PARP14: variants seen among roughly 807,000 people sequenced by gnomAD.
PARP14 encodes the protein protein mono-ADP-ribosyltransferase PARP14.
PARP14 carries 59 observed loss-of-function variants against 154.2 expected under a neutral mutation model. That is an observed-to-expected ratio of 0.38 (90% CI 0.31 to 0.48). The LOEUF (loss-of-function observed/expected upper bound fraction) is 0.48, where lower values mean the gene tolerates loss of function less well. Ranked by LOEUF, PARP14 falls within the 20% of genes least tolerant of loss-of-function variation. The pLI is 0.98. For missense variants in PARP14, 1,734 were observed against 2,131.6 expected, an observed-to-expected ratio of 0.81 and a Z score of 3.67; for synonymous variants, 720 against 780.5, an observed-to-expected ratio of 0.92 and a Z score of 1.29.
chr3:122,712,395 A>C (rs907011430), intron 9 of PARP14, among the ~76,000 whole-genome samples: 1 of 152,098 alleles, frequency 6.6e-6, no homozygotes, highest in African/African-American at 2.4e-5. Flanking sequence ...GGCCTGTGCC[A>C]CCACGCCCAG....
chr3:122,718,171 AGTT>A lies in PARP14; in HGVS notation c.4105_4107del (p.Val1369del). ...CAGCCCAGTCTGTGAAAAAAGTTAA[AGTT>A]GTTATCTTTCTGCCTCAAGTACTGG... On this transcript the variant is annotated inframe_deletion, in exon 13 of 17. Coordinates refer to ENST00000474629, the MANE Select transcript of PARP14 (RefSeq NM_017554.3). 6.2e-7 allele frequency: 1 copy of A among 1,613,684 alleles called. No homozygotes were observed. The highest frequency in any genetic ancestry group is 1.3e-5 in the African/African-American group (1 of 75,032).
chr3:122,686,483 C>T (rs1938376772), intron 2 of PARP14, among the ~76,000 whole-genome samples: 1 of 148,036 alleles, frequency 6.8e-6, no homozygotes, highest in Non-Finnish European at 1.5e-5. Flanking sequence ...TTTTTAGAGA[C>T]TGCTTTCATC....
intron 12 of PARP14, among the ~76,000 whole-genome samples, chr3:122,715,727 C>G (rs1932982229): frequency 6.6e-6 from 1 of 152,070 alleles, no homozygotes; most frequent in African/African-American, 2.4e-5. Context: ...ACTCCTCAGT[C>G]TCTGTCTCCA....
At chr3:122,683,603 A>G (rs1938281997) in intron 1 of PARP14, among the ~76,000 whole-genome samples, 1 of 152,212 alleles carries the variant, frequency 6.6e-6, no homozygotes, top group South Asian at 2.1e-4. Flanking sequence ...AAATAAAATT[A>G]AATGTTGATG....
chr3:122,724,908 C>T (rs1002299891), intron 15 of PARP14, among the ~76,000 whole-genome samples: 127 of 152,170 alleles, frequency 8.3e-4, no homozygotes, highest in Middle Eastern at 3.4e-3. Flanking sequence ...TTGCACCGCC[C>T]TTAATCCATT....
chr3:122,704,946 A>G lies in PARP14; in HGVS notation c.3540+198A>G, dbSNP rs1188303804. Among the ~76,000 whole-genome samples, 3 of 152,232 alleles carry G rather than the reference A, an allele frequency of 2.0e-5. No homozygotes were observed. In the South Asian group the frequency reaches 6.2e-4, roughly 31 times the overall value. ...AGATGTAGAAAAAATTTAACTTCCT[A>G]TTCAGGAAAATTTTGAACATATCCA... On this transcript the variant is annotated intron_variant, in intron 8 of 16. Transcript: ENST00000474629.
chr3:122,722,935 ATT>A (rs67962718), intron 15 of PARP14, among the ~76,000 whole-genome samples: 81 of 145,452 alleles, frequency 5.6e-4, no homozygotes, highest in Admixed American at 1.8e-3. Flanking sequence ...TGCATTTCAT[ATT>A]TTTTTTTTTT....
chr3:122,728,855 C>T lies in PARP14; in HGVS notation c.*258C>T. On this transcript the variant is annotated 3_prime_UTR_variant, in exon 17 of 17. Coordinates refer to ENST00000474629, the MANE Select transcript of PARP14 (RefSeq NM_017554.3). ...GTGTCCACAAGTATGGACATCAAAT[C>T]TGTGGGAAAAGAACAGGTTTGTATT... 2.4e-6 allele frequency: 1 copy of T among 408,290 alleles called. No individual in the cohort carries two copies. Among genetic ancestry groups the T allele is most frequent in the Non-Finnish European group, 4.5e-6 (1 of 222,170 alleles). The allele number at this position is 408,290 out of a possible 1,614,324, so 25.3% of individuals were successfully genotyped here. A position where few individuals can be genotyped will look rare whatever the true frequency, so the allele number is the denominator to read the frequency against.
chr3:122,686,631 T>C (rs1938382110), intron 2 of PARP14: 1 of 156,358 alleles, frequency 6.4e-6, no homozygotes, highest in African/African-American at 2.4e-5. Flanking sequence ...GCTAATTTTT[T>C]TTCCTAATTT....
At position 122,703,827 on chromosome 3, in the gene PARP14, C is replaced by A. The variant is rs760154140; in HGVS notation, c.3167C>A (p.Pro1056Gln). ...LSKSLLEKAG[P>Q]ELQEELDTVG... ...AAGTCCCTCTTGGAAAAAGCTGGACCAGAGCTCCAGGAGGAATTGGACACA... is the reference window on the plus strand; with the variant it reads ...AAGTCCCTCTTGGAAAAAGCTGGACAAGAGCTCCAGGAGGAATTGGACACA... The change falls in exon 7 of 17, where the codon CCA becomes CAA. Residue 1056 changes from proline (P) to glutamine (Q), a missense_variant. Around this residue, in one of 2 missense-constraint regions of PARP14, gnomAD observed 1,646 missense variants for 1,976.0 expected, o/e 0.83. Coordinates refer to ENST00000474629, the MANE Select transcript of PARP14 (RefSeq NM_017554.3). 6.2e-7 allele frequency: 1 copy of A among 1,613,870 alleles called. No individual in the cohort carries two copies. The highest frequency in any genetic ancestry group is 8.5e-7 in the Non-Finnish European group (1 of 1,179,830).
Position 122,700,334 on chromosome 3 carries a change from A to G in PARP14, c.1780A>G (p.Ser594Gly). Residue 594 changes from serine (S) to glycine (G), a missense_variant, in exon 6 of 17, where the codon AGT becomes GGT. Coordinates refer to ENST00000474629, the MANE Select transcript of PARP14 (RefSeq NM_017554.3). ...ALLEAEKQML[S>G]ALNYKRIEVE... Reference sequence around the variant, plus strand: ...GTTAGAAGCAGAAAAGCAAATGCTCAGTGCCTTAAATTATAAGCGCATTGA... The same window carrying G: ...GTTAGAAGCAGAAAAGCAAATGCTCGGTGCCTTAAATTATAAGCGCATTGA... The G allele has an allele frequency of 6.2e-7, 1 of 1,613,840 alleles. No individual in the cohort carries two copies. The highest frequency in any genetic ancestry group is 8.5e-7 in the Non-Finnish European group (1 of 1,179,798).
chr3:122,685,344 A>C (rs749898848), intron 2 of PARP14, 26 bp downstream of exon 2: 1 of 1,609,790 alleles, frequency 6.2e-7, no homozygotes, highest in Non-Finnish European at 8.5e-7. Flanking sequence ...GCATGAATAA[A>C]AGGGATTTAG....
chr3:122,691,794 G>T (rs932158114), intron 3 of PARP14, among the ~76,000 whole-genome samples: 1 of 152,056 alleles, frequency 6.6e-6, no homozygotes, highest in African/African-American at 2.4e-5. Flanking sequence ...TATAAGGCAG[G>T]TTCCTCAAAA....
chr3:122,728,572 A>T lies in PARP14; in HGVS notation c.5381A>T (p.Glu1794Val), dbSNP rs1294282213. ...TTTTATGACTACCAAGCATACCCAG[A>T]GTACCTTATTACGTTTAGAAAATAA... ...VAFYDYQAYP[E>V]YLITFRK is the part of the protein sequence containing the mutation. Residue 1794 changes from glutamate (E) to valine (V), a missense_variant, in exon 17 of 17, where the codon GAG (glutamate) becomes GTG (valine). Physicochemically the swap from Glu to Val is moderately radical, Grantham distance 121. Around this residue, in one of 2 missense-constraint regions of PARP14, gnomAD observed 88 missense variants for 155.6 expected, o/e 0.57. Coordinates refer to ENST00000474629, the MANE Select transcript of PARP14 (RefSeq NM_017554.3). The T allele has an allele frequency of 1.2e-6, 2 of 1,613,144 alleles. No homozygotes were observed. The highest frequency in any genetic ancestry group is 3.3e-5 in the Admixed American group (2 of 59,998).
intron 4 of PARP14, among the ~76,000 whole-genome samples, chr3:122,693,100 G>A (rs540683673): frequency 4.6e-5 from 7 of 152,162 alleles, no homozygotes; most frequent in Non-Finnish European, 7.3e-5. Flanking sequence ...ACAAAGGTGC[G>A]AATGCATGGA....
At chr3:122,719,147 C>G (rs1933086478) in intron 14 of PARP14, among the ~76,000 whole-genome samples, 189 bp downstream of exon 14, 1 of 152,158 alleles carries the variant, frequency 6.6e-6, no homozygotes, top group Admixed American at 6.5e-5. Context: ...TGGATGTACC[C>G]AAAAGCCTGA....
At position 122,728,192 on chromosome 3, in the gene PARP14, GCA is replaced by G. The variant is rs1244452597; in HGVS notation, c.5117-109_5117-108del. Reference sequence around the variant, plus strand: ...AAAAATTGATGATTAAAAGTGAAAAGCACACACAAAAAATTTTAAGAGAGGCT... The same window carrying G: ...AAAAATTGATGATTAAAAGTGAAAAGCACACAAAAAATTTTAAGAGAGGCT... On this transcript the variant is annotated intron_variant, in intron 16 of 16. Transcript: ENST00000474629. The G allele has an allele frequency of 4.8e-6, 5 of 1,033,244 alleles. No homozygotes were observed. In the East Asian group the frequency reaches 1.2e-4, roughly 25 times the overall value. The allele number at this position is 1,033,244 out of a possible 1,614,324, so 64.0% of individuals were successfully genotyped here.
chr3:122,694,800 A>G (rs2107640633), intron 4 of PARP14, among the ~76,000 whole-genome samples: 1 of 152,180 alleles, frequency 6.6e-6, no homozygotes, highest in South Asian at 2.1e-4. Flanking sequence ...GATTACAGGC[A>G]TGAACCACCA....
chr3:122,715,593 G>GTAA (rs1347879323), intron 12 of PARP14, among the ~76,000 whole-genome samples: 31 of 141,492 alleles, frequency 2.2e-4, no homozygotes, highest in African/African-American at 7.8e-4. Context: ...CTCTCTACCA[G>GTAA]TCATCTATCT....
Sources: allele counts gnomAD v4.1 joint callset (sites outside exome capture counted in the v4.1 genomes callset), GRCh38; gene constraint gnomAD v4.1.1; regional missense constraint gnomAD v4.1.1; transcripts MANE v1.5; gene names NCBI Gene and HGNC (gene_info 2026-07-23, HGNC 2026-07-21).